Variants in SMIM20 observed in about 807,000 individuals in gnomAD.
SMIM20 encodes the protein mitochondrial translation regulation assembly intermediate of cytochrome c oxidase protein of 7 kDa.
SMIM20 carries 3 observed loss-of-function variants against 8.7 expected under a neutral mutation model. The ratio of observed to expected loss-of-function variants is 0.34; its 90% CI spans 0.16 to 0.89. The LOEUF (loss-of-function observed/expected upper bound fraction) is 0.89, where lower values mean the gene tolerates loss of function less well. Ranked by LOEUF, SMIM20 falls within the 40% of genes least tolerant of loss-of-function variation. The pLI is 0.49. For synonymous variants in SMIM20, 44 were observed against 33.6 expected (o/e 1.31, Z -1.07); for missense variants, 85 against 84.8 (o/e 1.00, Z -0.01).
chr4:25,916,649 A>G (rs984303819), intron 1 of SMIM20, among the ~76,000 whole-genome samples: 1 of 152,148 alleles, frequency 6.6e-6, no homozygotes, highest in South Asian at 2.1e-4. Flanking sequence ...TCTGCCTCCC[A>G]GGTTCAAGTG....
chr4:25,926,015 C>T lies in SMIM20; in HGVS notation c.110-2298C>T, dbSNP rs566766228. 3.9e-5 allele frequency among the ~76,000 whole-genome samples: 6 copies of T among 152,262 alleles called. No homozygotes were observed. In the South Asian group the frequency reaches 6.2e-4, roughly 16 times the overall value. ...CACTGGAGTGGGGAGTTTTTTAACC[C>T]GGTGTGCCATATTTGGGTTTAAATT... On this transcript the variant is annotated intron_variant, in intron 1 of 2. Coordinates refer to ENST00000506197, the MANE Select transcript of SMIM20 (RefSeq NM_001145432.3).
At position 25,914,258 on chromosome 4, in the gene SMIM20, T is replaced by G; in HGVS notation, c.-56T>G. 5 of 1,519,834 alleles carry G rather than the reference T, an allele frequency of 3.3e-6. No homozygotes were observed. Among genetic ancestry groups the G allele is most frequent in the Non-Finnish European group, 4.4e-6 (5 of 1,127,576 alleles). The allele number at this position is 1,519,834 out of a possible 1,614,324, so 94.1% of individuals were successfully genotyped here. A position where few individuals can be genotyped will look rare whatever the true frequency, so the allele number is the denominator to read the frequency against. On this transcript the variant is annotated 5_prime_UTR_variant, in exon 1 of 3. Coordinates refer to ENST00000506197, the MANE Select transcript of SMIM20 (RefSeq NM_001145432.3). ...GGTCACGGCCCGGCCGTCGGTAACCTGGTTTCCGAGAGTGCCGGGCGGTCG... is the reference window on the plus strand; with the variant it reads ...GGTCACGGCCCGGCCGTCGGTAACCGGGTTTCCGAGAGTGCCGGGCGGTCG...
chr4:25,918,510 C>CT (rs922075451), intron 1 of SMIM20, among the ~76,000 whole-genome samples: 23 of 148,062 alleles, frequency 1.6e-4, no homozygotes, highest in East Asian at 1.4e-3. Context: ...TACCAGATTC[C>CT]TTTTTTTTTT....
In SMIM20 at chr4:25,914,313, C is replaced by T. The variant is rs1406865077; in HGVS notation, c.-1C>T. On this transcript the variant is annotated 5_prime_UTR_variant, in exon 1 of 3. Coordinates refer to ENST00000506197, the MANE Select transcript of SMIM20 (RefSeq NM_001145432.3). ...GTCAGGGCAGCCCGGGGCCTGACGC[C>T]ATGTCCCGGAACCTGCGCACCGCGC... The T allele has an allele frequency of 5.8e-6, 9 of 1,549,726 alleles. No individual in the cohort carries two copies. The highest frequency in any genetic ancestry group is 1.4e-5 in the African/African-American group (1 of 73,048).
intron 1 of SMIM20, among the ~76,000 whole-genome samples, chr4:25,921,008 G>A (rs953263729): frequency 2.0e-5 from 3 of 152,242 alleles, no homozygotes; most frequent in African/African-American, 7.2e-5. Context: ...GCATTTCTCA[G>A]AATGTACTCC....
intron 1 of SMIM20, among the ~76,000 whole-genome samples, chr4:25,925,135 T>G (rs1304134174): frequency 6.6e-6 from 1 of 152,198 alleles, no homozygotes; most frequent in Non-Finnish European, 1.5e-5. Context: ...CTCAACCAAT[T>G]TCAGATAAGG....
intron 1 of SMIM20, among the ~76,000 whole-genome samples, chr4:25,916,446 A>G (rs1719093777): frequency 6.6e-6 from 1 of 152,046 alleles, no homozygotes; most frequent in African/African-American, 2.4e-5. Flanking sequence ...TCCTGACCTT[A>G]GGTGATCCAC....
intron 1 of SMIM20, 108 bp from the exon 2 acceptor site, chr4:25,928,205 C>G: frequency 9.0e-7 from 1 of 1,116,488 alleles, no homozygotes; most frequent in Non-Finnish European, 1.3e-6. Context: ...TAACAGCACT[C>G]ATAAATACTG....
intron 2 of SMIM20, 112 bp downstream of exon 2, chr4:25,928,481 G>A (rs1217432298): frequency 9.8e-7 from 1 of 1,025,138 alleles, no homozygotes; most frequent in Non-Finnish European, 1.4e-6. Context: ...TTAGCTTAGA[G>A]ACAAGATTGT....
At chr4:25,922,604 C>T (rs1315505651) in intron 1 of SMIM20, among the ~76,000 whole-genome samples, 1 of 152,192 alleles carries the variant, frequency 6.6e-6, no homozygotes, top group Admixed American at 6.5e-5. Context: ...TCCTGTTAGC[C>T]TTTCTTGTTA....
chr4:25,928,258 AT>A, intron 1 of SMIM20, 54 bp from the exon 2 acceptor site: 1 of 1,517,392 alleles, frequency 6.6e-7, no homozygotes, highest in Non-Finnish European at 8.9e-7. Flanking sequence ...AAATACAAAT[AT>A]TTCTCTCTCC....
chr4:25,926,685 T>C (rs932186992), intron 1 of SMIM20, among the ~76,000 whole-genome samples: 5 of 152,252 alleles, frequency 3.3e-5, no homozygotes, highest in African/African-American at 7.2e-5. Context: ...GCCAGCTTCT[T>C]TTGCCTTGCA....
chr4:25,916,613 T>G (rs1488431711), intron 1 of SMIM20, among the ~76,000 whole-genome samples: 4 of 152,208 alleles, frequency 2.6e-5, no homozygotes, highest in Non-Finnish European at 5.9e-5. Flanking sequence ...TGGAGTGCAG[T>G]GGCATGATCT....
chr4:25,919,970 C>T (rs188805866), intron 1 of SMIM20, among the ~76,000 whole-genome samples: 128 of 152,310 alleles, frequency 8.4e-4, no homozygotes, highest in African/African-American at 2.9e-3. Context: ...TTACATTTCA[C>T]TCCTTTCTAG....
chr4:25,926,865 T>C (rs890309798), intron 1 of SMIM20, among the ~76,000 whole-genome samples: 7 of 152,256 alleles, frequency 4.6e-5, no homozygotes, highest in Non-Finnish European at 1.0e-4. Context: ...TCTATTTTTG[T>C]TCCTGCCAAG....
chr4:25,915,853 A>AT (rs1491479349), intron 1 of SMIM20, among the ~76,000 whole-genome samples: 3 of 10,188 alleles, frequency 2.9e-4, no homozygotes, highest in Non-Finnish European at 5.6e-4. Flanking sequence ...ACAACTTGGG[A>AT]TGGGGCGGGG....
At chr4:25,922,329 G>C (rs1719214972) in intron 1 of SMIM20, among the ~76,000 whole-genome samples, 1 of 152,152 alleles carries the variant, frequency 6.6e-6, no homozygotes, top group African/African-American at 2.4e-5. Context: ...AAAGAGCCTT[G>C]GACCAAAGGC....
In SMIM20 at chr4:25,914,265, C is replaced by G. The variant is rs753655571; in HGVS notation, c.-49C>G. On this transcript the variant is annotated 5_prime_UTR_variant, in exon 1 of 3. Coordinates refer to ENST00000506197, the MANE Select transcript of SMIM20 (RefSeq NM_001145432.3). ...GCCCGGCCGTCGGTAACCTGGTTTC[C>G]GAGAGTGCCGGGCGGTCGGCGGGTC... 19 of 1,524,270 alleles carry G rather than the reference C, an allele frequency of 1.2e-5. No individual in the cohort carries two copies. Among genetic ancestry groups the G allele is most frequent in the East Asian group, 2.5e-5 (1 of 40,432 alleles). 94.4% of individuals were successfully genotyped at this position (1,524,270 alleles called of 1,614,324 possible).
At chr4:25,927,351 A>G (rs1057136240) in intron 1 of SMIM20, among the ~76,000 whole-genome samples, 1 of 152,200 alleles carries the variant, frequency 6.6e-6, no homozygotes, top group African/African-American at 2.4e-5. Flanking sequence ...AGTTCAATGA[A>G]TATTAGATTT....
Sources: gnomAD v4.1 joint callset for allele counts (sites outside exome capture counted in the v4.1 genomes callset) on GRCh38, gnomAD v4.1.1 for gene constraint, MANE v1.5 for transcripts, NCBI Gene and HGNC (gene_info 2026-07-23, HGNC 2026-07-21) for gene names.